The following EMP2 variants were observed in gnomAD, a reference collection of about 807,000 sequenced individuals.
EMP2 encodes the protein epithelial membrane protein 2.
Under a neutral mutation model 13.7 loss-of-function variants are expected in EMP2, and 19 were observed. The ratio of observed to expected loss-of-function variants is 1.38; its 90% CI spans 0.97 to 2.03. EMP2 has a LOEUF of 2.03. Among genes scored for constraint, EMP2 ranks in the 30% most tolerant of loss-of-function variants. The pLI is 0.00. For missense variants in EMP2, 253 were observed against 220.7 expected (o/e 1.15, Z -0.93); for synonymous variants, 97 against 84.7 (o/e 1.15, Z -0.80).
chr16:10,540,625 G>T (rs1414102821), intron 3 of EMP2, among the ~76,000 whole-genome samples: 1 of 152,130 alleles, frequency 6.6e-6, no homozygotes, highest in African/African-American at 2.4e-5. Flanking sequence ...GGTGTTTGGG[G>T]TTGTTTGTTT....
At chr16:10,568,217 A>T (rs1476122678) in intron 1 of EMP2, among the ~76,000 whole-genome samples, 1 of 152,222 alleles carries the variant, frequency 6.6e-6, no homozygotes, top group Admixed American at 6.5e-5. Flanking sequence ...AGGTGCTAAA[A>T]GATGCCCAGT....
intron 1 of EMP2, among the ~76,000 whole-genome samples, chr16:10,572,478 C>G (rs2050955132): frequency 6.6e-6 from 1 of 151,968 alleles, no homozygotes; most frequent in African/African-American, 2.4e-5. Flanking sequence ...TTCTCTTGAC[C>G]CTCCCACAGA....
At chr16:10,579,753 G>T (rs371520347) in intron 1 of EMP2, among the ~76,000 whole-genome samples, 1 of 142,964 alleles carries the variant, frequency 7.0e-6, no homozygotes, top group African/African-American at 2.6e-5. Flanking sequence ...CAAAGCTTGG[G>T]AGGGGCAGTG....
At chr16:10,550,660 A>C (rs879697981) in intron 1 of EMP2, among the ~76,000 whole-genome samples, 2 of 151,870 alleles carry the variant, frequency 1.3e-5, no homozygotes, top group Non-Finnish European at 2.9e-5. Context: ...TTCACTGTAC[A>C]TTTCCCCTTT....
chr16:10,575,237 C>CTTTTTTTTTTTTTTTTT lies in EMP2; in HGVS notation c.-61+5295_-61+5311dup, dbSNP rs761837614. Among the ~76,000 whole-genome samples the CTTTTTTTTTTTTTTTTT allele has an allele frequency of 4.8e-4, 25 of 52,490 alleles. 6 individuals carry two copies. Among genetic ancestry groups the CTTTTTTTTTTTTTTTTT allele is most frequent in the African/African-American group, 7.7e-4 (12 of 15,664 alleles). The allele number at this position is 52,490 out of a possible 152,430, so 34.4% of individuals were successfully genotyped here. A position where few individuals can be genotyped will look rare whatever the true frequency, so the allele number is the denominator to read the frequency against. ...TGGCCTTGGTCCTGGAGCTTGCATT[C>CTTTTTTTTTTTTTTTTT]TTTTTTTTTTTTTTTTTTTTTTTTT... On this transcript the variant is annotated intron_variant, in intron 1 of 4. Coordinates refer to ENST00000359543, the MANE Select transcript of EMP2 (RefSeq NM_001424.6).
At chr16:10,541,743 C>G (rs2354413) in intron 3 of EMP2, among the ~76,000 whole-genome samples, 66,034 of 151,870 alleles carry the variant, frequency 0.43, 14,636 homozygotes, top group Admixed American at 0.57. Context: ...GGCTTTAGAG[C>G]TGGTCACACC....
intron 3 of EMP2, among the ~76,000 whole-genome samples, chr16:10,543,155 A>C (rs2050713791): frequency 6.6e-6 from 1 of 152,152 alleles, no homozygotes; most frequent in African/African-American, 2.4e-5. Flanking sequence ...CAGATCTCGG[A>C]TTTCTTACTG....
At chr16:10,555,884 G>T (rs527672192) in intron 1 of EMP2, among the ~76,000 whole-genome samples, 16 of 152,232 alleles carry the variant, frequency 1.1e-4, no homozygotes, top group African/African-American at 3.9e-4. Flanking sequence ...ATGACACCTC[G>T]CCAAAGCAAT....
Position 10,555,744 on chromosome 16 carries a change from C to T in EMP2, c.-60-8067G>A, listed in dbSNP as rs182890919. 9.3e-4 allele frequency among the ~76,000 whole-genome samples: 142 copies of T among 152,220 alleles called. 1 individual carries two copies. In the East Asian group the frequency reaches 0.024, roughly 26 times the overall value. On this transcript the variant is annotated intron_variant, in intron 1 of 4. Transcript: ENST00000359543. The stretch of plus-strand genomic sequence containing the variant: ...CTGGGATTACAGGCATGCGCCACCA[C>T]GCCTGGCTAATTCTGTATTTTTAGT...
At position 10,532,900 on chromosome 16, in the gene EMP2, G is replaced by C. The variant is rs199517331; in HGVS notation, c.*5C>G. On this transcript the variant is annotated 3_prime_UTR_variant, in exon 5 of 5. Coordinates refer to ENST00000359543, the MANE Select transcript of EMP2 (RefSeq NM_001424.6). ...CTGCAGCAGAAGCAACCCAGCTCCG[G>C]AACTCTATTTGCGCTTCCTCAGTAT... The C allele has an allele frequency of 1.0e-5, 15 of 1,480,084 alleles. No individual in the cohort carries two copies. Among genetic ancestry groups the C allele is most frequent in the Non-Finnish European group, 1.4e-5 (15 of 1,106,210 alleles). 91.7% of individuals were successfully genotyped at this position (1,480,084 alleles called of 1,614,324 possible). A position where few individuals can be genotyped will look rare whatever the true frequency, so the allele number is the denominator to read the frequency against.
intron 1 of EMP2, among the ~76,000 whole-genome samples, chr16:10,579,963 C>T (rs1293554250): frequency 6.6e-6 from 1 of 152,196 alleles, no homozygotes; most frequent in Non-Finnish European, 1.5e-5. Context: ...TGCGGTCTCG[C>T]CTCTTTAAAG....
At chr16:10,574,855 A>G (rs1056645217) in intron 1 of EMP2, among the ~76,000 whole-genome samples, 3 of 151,838 alleles carry the variant, frequency 2.0e-5, no homozygotes, top group African/African-American at 7.3e-5. Context: ...CGGCCCATAT[A>G]TGTATTTCTC....
intron 1 of EMP2, among the ~76,000 whole-genome samples, chr16:10,548,289 A>C (rs1181929916): frequency 1.3e-5 from 2 of 152,182 alleles, no homozygotes; most frequent in African/African-American, 4.8e-5. Flanking sequence ...CTGATTCCCC[A>C]TGCTCAGAAG....
At chr16:10,560,518 C>T (rs545048526) in intron 1 of EMP2, among the ~76,000 whole-genome samples, 272 of 152,356 alleles carry the variant, frequency 1.8e-3, no homozygotes, top group South Asian at 4.1e-3. Flanking sequence ...CTTGCCCGTT[C>T]TTTAAAAATG....
At chr16:10,543,513 C>T in intron 3 of EMP2, 57 bp downstream of exon 3, 2 of 1,591,508 alleles carry the variant, frequency 1.3e-6, no homozygotes, top group South Asian at 2.2e-5. Flanking sequence ...AGCCTCACTC[C>T]TGACCGTTCC....
In EMP2 at chr16:10,532,740, ATT is replaced by A. The variant is rs35927182; in HGVS notation, c.*163_*164del. 3.9e-5 allele frequency: 8 copies of A among 203,112 alleles called. No individual in the cohort carries two copies. The highest frequency in any genetic ancestry group is 1.3e-4 in the African/African-American group (4 of 29,792). The allele number at this position is 203,112 out of a possible 1,614,324, so 12.6% of individuals were successfully genotyped here. On this transcript the variant is annotated 3_prime_UTR_variant, in exon 5 of 5. Coordinates refer to ENST00000359543, the MANE Select transcript of EMP2 (RefSeq NM_001424.6). ...ATGCAAAAACTCTTCTCTCTTTTGG[ATT>A]TTTTTTTTCTTTTTTCTTTTTTTTT... is the stretch of plus-strand genomic sequence containing the variant.
Position 10,532,432 on chromosome 16 carries a change from T to A in EMP2, c.*473A>T, listed in dbSNP as rs2142164542. The A allele has an allele frequency of 6.6e-6, 1 of 152,636 alleles. No individual in the cohort carries two copies. Among genetic ancestry groups the A allele is most frequent in the South Asian group, 2.1e-4 (1 of 4,838 alleles). 9.5% of individuals were successfully genotyped at this position (152,636 alleles called of 1,614,324 possible). On this transcript the variant is annotated 3_prime_UTR_variant, in exon 5 of 5. Transcript: ENST00000359543. ...ACTTGGGTGAAACCTCTCAGGAAGCTGTCATTCTTCTCCTATACCCCACCT... is the reference window on the plus strand; with the variant it reads ...ACTTGGGTGAAACCTCTCAGGAAGCAGTCATTCTTCTCCTATACCCCACCT...
chr16:10,530,585 T>C lies in EMP2; in HGVS notation c.*2320A>G, dbSNP rs3790127. 17,678 of 152,686 alleles carry C rather than the reference T, an allele frequency of 0.12. 1,192 individuals are homozygous for C. The highest frequency in any genetic ancestry group is 0.3 in the South Asian group (1,447 of 4,826). 9.5% of individuals were successfully genotyped at this position (152,686 alleles called of 1,614,324 possible). A position where few individuals can be genotyped will look rare whatever the true frequency, so the allele number is the denominator to read the frequency against. On this transcript the variant is annotated 3_prime_UTR_variant, in exon 5 of 5. Coordinates refer to ENST00000359543, the MANE Select transcript of EMP2 (RefSeq NM_001424.6). ...AGAGCTTATCTCCTGGGATGGTTCCTGGGTGGTCTGCATTGCCACACAGCA... is the reference window on the plus strand; with the variant it reads ...AGAGCTTATCTCCTGGGATGGTTCCCGGGTGGTCTGCATTGCCACACAGCA...
chr16:10,535,574 A>G (rs1467172448), intron 4 of EMP2, among the ~76,000 whole-genome samples: 2 of 152,204 alleles, frequency 1.3e-5, no homozygotes, highest in Non-Finnish European at 2.9e-5. Flanking sequence ...GCCAGGCATA[A>G]TGGCACATGT....
Sources: gnomAD v4.1 joint callset for allele counts (sites outside exome capture counted in the v4.1 genomes callset) on GRCh38, gnomAD v4.1.1 for gene constraint, MANE v1.5 for transcripts, NCBI Gene and HGNC (gene_info 2026-07-23, HGNC 2026-07-21) for gene names.